PLCB1: variants seen among roughly 807,000 people sequenced by gnomAD.
PLCB1 encodes 1-phosphatidylinositol 4,5-bisphosphate phosphodiesterase beta-1.
A neutral mutation model predicts 161.8 loss-of-function variants in PLCB1; 46 were observed. The ratio of observed to expected loss-of-function variants is 0.28; its 90% CI spans 0.22 to 0.36. The LOEUF is 0.36. PLCB1 is among the 10% of genes least tolerant of loss of function. The probability of loss-of-function intolerance (pLI) is 1.00; values close to 1 mark genes in which losing one functional copy is unlikely to be tolerated. For synonymous variants in PLCB1, 517 were observed against 503.7 expected, an observed-to-expected ratio of 1.03 and a Z score of -0.35; for missense variants, 1,016 against 1,472.5, an observed-to-expected ratio of 0.69 and a Z score of 5.07.
chr20:8,376,872 G>A (rs1360666998), intron 3 of PLCB1, among the ~76,000 whole-genome samples: 1 of 151,740 alleles, frequency 6.6e-6, no homozygotes, highest in Admixed American at 6.6e-5. Context: ...AGATTGCAGT[G>A]AGCCAAGATC....
chr20:8,254,304 T>C (rs764827686), intron 2 of PLCB1, among the ~76,000 whole-genome samples: 7 of 151,996 alleles, frequency 4.6e-5, no homozygotes, highest in Admixed American at 3.9e-4. Flanking sequence ...ACATTTGCAA[T>C]TGTTAGGTTA....
chr20:8,619,208 C>T (rs536997319), intron 3 of PLCB1, among the ~76,000 whole-genome samples: 1 of 152,152 alleles, frequency 6.6e-6, no homozygotes, highest in African/African-American at 2.4e-5. Context: ...ATCATGAGGT[C>T]AGGAGTTTGA....
intron 3 of PLCB1, among the ~76,000 whole-genome samples, chr20:8,609,018 C>T (rs1035360732): frequency 5.9e-5 from 9 of 152,066 alleles, no homozygotes; most frequent in South Asian, 2.1e-4. Flanking sequence ...CTAGGGCTTT[C>T]GGAGCTAAGG....
chr20:8,679,033 T>C (rs1990154425), intron 9 of PLCB1, among the ~76,000 whole-genome samples: 1 of 152,150 alleles, frequency 6.6e-6, no homozygotes. Context: ...TGTTTTTAAG[T>C]TCTTGAAAGG....
chr20:8,698,233 C>G (rs779721466), intron 11 of PLCB1, among the ~76,000 whole-genome samples: 1 of 152,154 alleles, frequency 6.6e-6, no homozygotes, highest in Non-Finnish European at 1.5e-5. Context: ...GTCCCGTTTA[C>G]CCTCAGAGGT....
At position 8,740,326 on chromosome 20, in the gene PLCB1, A is replaced by G; in HGVS notation, c.2309-18A>G. 1 of 1,356,728 alleles carries G rather than the reference A, an allele frequency of 7.4e-7. No individual in the cohort carries two copies. Among genetic ancestry groups the G allele is most frequent in the Non-Finnish European group, 1.1e-6 (1 of 950,638 alleles). The allele number at this position is 1,356,728 out of a possible 1,614,324, so 84.0% of individuals were successfully genotyped here. Reference sequence around the variant, plus strand: ...GGAAAGGAAATATGTGCTACACAGCATTATTCTCACCTTCCAGGCTATCAC... The same window carrying G: ...GGAAAGGAAATATGTGCTACACAGCGTTATTCTCACCTTCCAGGCTATCAC... On this transcript the variant is annotated intron_variant, in intron 21 of 31. Coordinates refer to ENST00000338037, the MANE Select transcript of PLCB1 (RefSeq NM_015192.4).
chr20:8,833,027 G>A (rs552844368), intron 31 of PLCB1, among the ~76,000 whole-genome samples: 9 of 152,150 alleles, frequency 5.9e-5, no homozygotes, highest in Non-Finnish European at 8.8e-5. Flanking sequence ...ACCTGTGAAT[G>A]TTCCCTTGTT....
chr20:8,442,925 A>C (rs1022086672), intron 3 of PLCB1, among the ~76,000 whole-genome samples: 1 of 152,096 alleles, frequency 6.6e-6, no homozygotes, highest in Non-Finnish European at 1.5e-5. Flanking sequence ...AGGAAAGTAG[A>C]AAAATTGCAT....
chr20:8,514,847 C>G (rs979459511), intron 3 of PLCB1, among the ~76,000 whole-genome samples: 1 of 152,114 alleles, frequency 6.6e-6, no homozygotes, highest in Non-Finnish European at 1.5e-5. Context: ...ACCAATGCTT[C>G]TGAAACTTTA....
Position 8,881,633 on chromosome 20 carries a change from G to C in PLCB1, c.3435G>C (p.Glu1145Asp), listed in dbSNP as rs1600112922. The C allele has an allele frequency of 6.2e-7, 1 of 1,613,564 alleles. No individual in the cohort carries two copies. Among genetic ancestry groups the C allele is most frequent in the African/African-American group, 1.3e-5 (1 of 74,992 alleles). Reference protein sequence around the residue: ...ILDEKPKLQVELEQEYQDKFK... With the variant: ...ILDEKPKLQVDLEQEYQDKFK... The stretch of plus-strand genomic sequence containing the variant: ...TTGATGTCTCTCAGCTGCAGGTGGA[G>C]CTGGAGCAAGAATACCAAGACAAAT... The change falls in exon 32 of 32, where the codon GAG becomes GAC. Residue 1145 changes from glutamate (E) to aspartate (D), a missense_variant. Glu to Asp is a conservative substitution (Grantham distance 45). This residue lies in a region of PLCB1 where 398 missense variants were observed against 445.4 expected (regional missense o/e 0.89). Coordinates refer to ENST00000338037, the MANE Select transcript of PLCB1 (RefSeq NM_015192.4).
At chr20:8,661,716 C>T (rs1989627574) in intron 9 of PLCB1, among the ~76,000 whole-genome samples, 1 of 151,364 alleles carries the variant, frequency 6.6e-6, no homozygotes, top group Non-Finnish European at 1.5e-5. Context: ...AGTAAATGGC[C>T]TAAATTGTTA....
intron 2 of PLCB1, among the ~76,000 whole-genome samples, chr20:8,336,189 A>G (rs752814788): frequency 3.3e-5 from 5 of 152,254 alleles, no homozygotes; most frequent in Non-Finnish European, 7.3e-5. Context: ...AGAAATGCAA[A>G]CAACACATTT....
intron 31 of PLCB1, among the ~76,000 whole-genome samples, chr20:8,794,142 T>G (rs903492335): frequency 1.3e-5 from 2 of 152,182 alleles, no homozygotes; most frequent in Non-Finnish European, 2.9e-5. Context: ...TCATATTGTT[T>G]AAACACATGT....
intron 3 of PLCB1, among the ~76,000 whole-genome samples, chr20:8,483,966 C>G (rs1018157953): frequency 6.6e-6 from 1 of 152,102 alleles, no homozygotes; most frequent in East Asian, 1.9e-4. Flanking sequence ...TGGCTCATAC[C>G]TCAGGGCCTT....
chr20:8,229,430 C>A (rs1979885173), intron 2 of PLCB1, among the ~76,000 whole-genome samples: 1 of 152,100 alleles, frequency 6.6e-6, no homozygotes, highest in African/African-American at 2.4e-5. Flanking sequence ...ATTCAGGTAG[C>A]ACTGATATAG....
At chr20:8,244,162 A>G (rs1980757056) in intron 2 of PLCB1, among the ~76,000 whole-genome samples, 1 of 151,956 alleles carries the variant, frequency 6.6e-6, no homozygotes, top group African/African-American at 2.4e-5. Context: ...TGCTGGTAGC[A>G]GTGTAAATTG....
chr20:8,562,325 A>G (rs565820194), intron 3 of PLCB1, among the ~76,000 whole-genome samples: 2 of 152,172 alleles, frequency 1.3e-5, no homozygotes, highest in African/African-American at 4.8e-5. Context: ...TGAGTGTGAA[A>G]AGCTGCTCAG....
At chr20:8,134,032 A>G (rs2051318674) in intron 1 of PLCB1, among the ~76,000 whole-genome samples, 2 of 152,346 alleles carry the variant, frequency 1.3e-5, no homozygotes, top group South Asian at 4.1e-4. Flanking sequence ...AGTATGAACC[A>G]CAGCTTCCTT....
chr20:8,750,896 A>G (rs773719279), intron 23 of PLCB1: 1 of 1,345,198 alleles, frequency 7.4e-7, no homozygotes, highest in South Asian at 1.1e-5. Context: ...TGCCCATCCA[A>G]AGCAAGATGC....
Sources: gnomAD v4.1 joint callset for allele counts (sites outside exome capture counted in the v4.1 genomes callset) on GRCh38, gnomAD v4.1.1 for gene constraint, gnomAD v4.1.1 regional missense constraint, MANE v1.5 for transcripts, NCBI Gene and HGNC (gene_info 2026-07-23, HGNC 2026-07-21) for gene names.